The following TAF7L variants were observed in gnomAD, a reference collection of about 807,000 sequenced individuals.
TAF7L encodes the protein transcription initiation factor TFIID subunit 7-like.
In TAF7L, 6 loss-of-function variants were observed where a neutral mutation model predicts 30.2. That is an observed-to-expected ratio of 0.20 (90% CI 0.11 to 0.39). The LOEUF (loss-of-function observed/expected upper bound fraction) is 0.39, where lower values mean the gene tolerates loss of function less well. TAF7L is among the 10% of genes least tolerant of loss of function. The pLI, the probability that TAF7L is intolerant of heterozygous loss-of-function variation, is 1.00. For synonymous variants in TAF7L, 93 were observed against 94.5 expected (o/e 0.98, Z 0.09); for missense variants, 284 against 277.1 (o/e 1.03, Z -0.18).
intron 7 of TAF7L, among the ~76,000 whole-genome samples, chrX:101,278,577 A>G (rs756842582): frequency 1.1e-3 from 128 of 112,302 alleles, no homozygotes; most frequent in Middle Eastern, 4.6e-3. Flanking sequence ...TCTTAGCTGC[A>G]TGTTCTCCCT....
chrX:101,291,452 G>T, upstream of TAF7L: 1 of 201,814 alleles, frequency 5.0e-6, no homozygotes, highest in Non-Finnish European at 7.5e-6. Flanking sequence ...GCAGTGGCCC[G>T]CTCACCGCGT....
chrX:101,279,137 A>G, intron 6 of TAF7L, 102 bp from the exon 7 acceptor site: 1 of 648,761 alleles, frequency 1.5e-6, no homozygotes, highest in Non-Finnish European at 2.4e-6. Flanking sequence ...TACATTTAGT[A>G]GGCACTCAAT....
At chrX:101,287,661 C>A in intron 1 of TAF7L, 116 bp from the exon 2 acceptor site, 1 of 512,388 alleles carries the variant, frequency 2.0e-6, no homozygotes, top group Non-Finnish European at 3.4e-6. Flanking sequence ...TGCCCATAAT[C>A]CTCACTAGAA....
intron 3 of TAF7L, among the ~76,000 whole-genome samples, chrX:101,285,597 G>A (rs1924557385): frequency 1.4e-5 from 1 of 73,801 alleles, no homozygotes; most frequent in Non-Finnish European, 2.5e-5. Context: ...AGTTGTTATT[G>A]TTCTTTTTTT....
At chrX:101,273,010 G>C (rs1397415257) in intron 12 of TAF7L, among the ~76,000 whole-genome samples, 1 of 111,648 alleles carries the variant, frequency 9.0e-6, no homozygotes, top group Non-Finnish European at 1.9e-5. Flanking sequence ...CTGGGCTGAA[G>C]CCATCTGCCC....
intron 9 of TAF7L, 103 bp from the exon 10 acceptor site, chrX:101,276,631 G>A: frequency 1.1e-6 from 1 of 877,962 alleles, no homozygotes; most frequent in Non-Finnish European, 1.6e-6. Context: ...GGCAACCAGT[G>A]AATTTTATAA....
upstream of TAF7L, chrX:101,291,439 G>C (rs1031397495): frequency 5.0e-5 from 12 of 239,975 alleles, no homozygotes; most frequent in East Asian, 2.4e-4. Flanking sequence ...GCACGACTTC[G>C]AGGCAGTGGC....
chrX:101,274,125 T>C (rs1416797237), intron 12 of TAF7L, among the ~76,000 whole-genome samples: 2 of 112,288 alleles, frequency 1.8e-5, no homozygotes, highest in Non-Finnish European at 3.8e-5. Context: ...TCACTTAATG[T>C]CATCAATAGG....
intron 11 of TAF7L, among the ~76,000 whole-genome samples, chrX:101,275,602 C>T (rs1924136955): frequency 9.0e-6 from 1 of 110,721 alleles, no homozygotes; most frequent in Non-Finnish European, 1.9e-5. Context: ...GGATCATTTA[C>T]TGTGATCCCT....
intron 1 of TAF7L, among the ~76,000 whole-genome samples, chrX:101,289,561 G>T (rs1924727531): frequency 9.0e-6 from 1 of 110,693 alleles, no homozygotes; most frequent in Admixed American, 9.7e-5. Context: ...CTGCATTTTG[G>T]GTATTAGGGC....
chrX:101,280,883 T>C (rs1199087344), intron 6 of TAF7L, among the ~76,000 whole-genome samples: 4 of 112,117 alleles, frequency 3.6e-5, no homozygotes, highest in African/African-American at 1.3e-4. Flanking sequence ...TACTATATAA[T>C]TCCATTAATA....
intron 6 of TAF7L, among the ~76,000 whole-genome samples, chrX:101,279,971 A>C (rs10855452): frequency 0.48 from 51,833 of 107,317 alleles, 11,190 homozygotes; most frequent in African/African-American, 0.82. Context: ...ACAACAACAA[A>C]AAAAAAACCT....
chrX:101,275,941 CA>C, intron 11 of TAF7L, 58 bp downstream of exon 11: 1 of 878,688 alleles, frequency 1.1e-6, no homozygotes, highest in South Asian at 2.4e-5. Context: ...AGTGGAAACA[CA>C]AAGGCAAGAT....
chrX:101,279,237 T>C (rs1924319390), intron 6 of TAF7L, among the ~76,000 whole-genome samples: 1 of 112,083 alleles, frequency 8.9e-6, no homozygotes, highest in Non-Finnish European at 1.9e-5. Context: ...TCTCCCCAAA[T>C]TGATCTACAA....
intron 5 of TAF7L, 104 bp from the exon 6 acceptor site, chrX:101,281,879 T>A: frequency 7.6e-5 from 44 of 575,711 alleles, no homozygotes; most frequent in Non-Finnish European, 9.6e-5. Flanking sequence ...GGTCATGACA[T>A]CACTCCTTTT....
intron 4 of TAF7L, 146 bp from the exon 5 acceptor site, chrX:101,282,599 T>C: frequency 1.5e-6 from 1 of 662,884 alleles, no homozygotes; most frequent in Non-Finnish European, 2.2e-6. Flanking sequence ...ACATTTATAT[T>C]CTCTCATTTT....
intron 3 of TAF7L, 97 bp downstream of exon 3, chrX:101,286,477 AT>A: frequency 1.7e-6 from 1 of 576,511 alleles, no homozygotes; most frequent in South Asian, 3.4e-5. Flanking sequence ...ATATTCTATC[AT>A]TTTTCACATC....
intron 1 of TAF7L, among the ~76,000 whole-genome samples, chrX:101,290,456 A>G (rs1924757217): frequency 8.9e-6 from 1 of 112,279 alleles, no homozygotes; most frequent in Non-Finnish European, 1.9e-5. Context: ...GGCTGGGAGC[A>G]GGAACAGATT....
At chrX:101,281,245 CTCTTT>C (rs1223270266) in intron 6 of TAF7L, among the ~76,000 whole-genome samples, 5 of 112,117 alleles carry the variant, frequency 4.5e-5, no homozygotes, top group African/African-American at 1.6e-4. Context: ...CACGATATCT[CTCTTT>C]TATTTCTTAC....
Sources: gnomAD v4.1 joint callset for allele counts (sites outside exome capture counted in the v4.1 genomes callset) on GRCh38, gnomAD v4.1.1 for gene constraint, MANE v1.5 for transcripts, NCBI Gene and HGNC (gene_info 2026-07-23, HGNC 2026-07-21) for gene names.